GABRB1: variants seen among roughly 807,000 people sequenced by gnomAD.
GABRB1 encodes the protein gamma-aminobutyric acid type A receptor subunit beta1.
Under a neutral mutation model 51.6 loss-of-function variants are expected in GABRB1, and 17 were observed. The observed-to-expected ratio is 0.33, with a 90% CI of 0.23 to 0.49. The LOEUF is 0.49. Among genes scored for constraint, GABRB1 ranks in the 20% least tolerant of loss-of-function variants. The probability of loss-of-function intolerance (pLI) is 0.99; values close to 1 mark genes in which losing one functional copy is unlikely to be tolerated. For synonymous variants in GABRB1, 247 were observed against 218.9 expected, an observed-to-expected ratio of 1.13 and a Z score of -1.14; for missense variants, 410 against 600.6, an observed-to-expected ratio of 0.68 and a Z score of 3.32.
At chr4:47,158,302 A>G (rs1007715871) in intron 3 of GABRB1, among the ~76,000 whole-genome samples, 1 of 152,140 alleles carries the variant, frequency 6.6e-6, no homozygotes, top group Non-Finnish European at 1.5e-5. Context: ...AATTGTGTAT[A>G]TTTATTGTGT....
At chr4:47,296,479 C>T (rs1723997720) in intron 4 of GABRB1, among the ~76,000 whole-genome samples, 1 of 152,108 alleles carries the variant, frequency 6.6e-6, no homozygotes, top group African/African-American at 2.4e-5. Context: ...ATAAAACAGA[C>T]TTTAAACCAA....
At chr4:47,086,229 G>A (rs577386294) in intron 3 of GABRB1, among the ~76,000 whole-genome samples, 3 of 152,148 alleles carry the variant, frequency 2.0e-5, no homozygotes, top group African/African-American at 7.2e-5. Flanking sequence ...ACATGTTTGC[G>A]GGTTCTTCGT....
intron 1 of GABRB1, among the ~76,000 whole-genome samples, chr4:46,998,232 C>T (rs1443044243): frequency 6.6e-6 from 1 of 152,008 alleles, no homozygotes; most frequent in East Asian, 1.9e-4. Context: ...ATAAACTTTA[C>T]ACATGAAATT....
intron 4 of GABRB1, among the ~76,000 whole-genome samples, chr4:47,262,693 G>T (rs1303968231): frequency 6.6e-6 from 1 of 152,002 alleles, no homozygotes; most frequent in African/African-American, 2.4e-5. Context: ...CCCATTACTG[G>T]GTATATACCC....
Position 47,266,226 on chromosome 4 carries a change from T to C in GABRB1, c.462-53901T>C, listed in dbSNP as rs533757923. 2.6e-5 allele frequency among the ~76,000 whole-genome samples: 4 copies of C among 152,328 alleles called. No homozygotes were observed. In the South Asian group the frequency reaches 8.3e-4, roughly 32 times the overall value. Reference sequence around the variant, plus strand: ...TTCCCCAGTTTGTTTTTGTCCACTTTATCAAAGACTGGTTGGTTGTAGCTC... The same window carrying C: ...TTCCCCAGTTTGTTTTTGTCCACTTCATCAAAGACTGGTTGGTTGTAGCTC... On this transcript the variant is annotated intron_variant, in intron 4 of 8. Transcript: ENST00000295454.
At chr4:47,076,819 C>T (rs1727574012) in intron 3 of GABRB1, among the ~76,000 whole-genome samples, 1 of 152,130 alleles carries the variant, frequency 6.6e-6, no homozygotes, top group Non-Finnish European at 1.5e-5. Context: ...CTCTTGCTTC[C>T]CTTCCGAGCA....
At chr4:47,271,053 A>T (rs1722857145) in intron 4 of GABRB1, among the ~76,000 whole-genome samples, 1 of 152,222 alleles carries the variant, frequency 6.6e-6, no homozygotes, top group Non-Finnish European at 1.5e-5. Flanking sequence ...AGTTGAAAAT[A>T]TAAAATAAAG....
At chr4:47,290,002 C>T (rs1267075540) in intron 4 of GABRB1, among the ~76,000 whole-genome samples, 2 of 152,170 alleles carry the variant, frequency 1.3e-5, no homozygotes, top group Non-Finnish European at 2.9e-5. Flanking sequence ...AATGCTGACT[C>T]TTCACAATTC....
At chr4:47,133,684 A>ATTAG (rs1716518068) in intron 3 of GABRB1, among the ~76,000 whole-genome samples, 1 of 152,100 alleles carries the variant, frequency 6.6e-6, no homozygotes. Flanking sequence ...TTTCCTCATG[A>ATTAG]TTAGATTCAG....
At chr4:47,336,080 C>T (rs1163902072) in intron 5 of GABRB1, among the ~76,000 whole-genome samples, 1 of 152,082 alleles carries the variant, frequency 6.6e-6, no homozygotes, top group Non-Finnish European at 1.5e-5. Context: ...TGCCATCGAC[C>T]AAGTGGAAGA....
intron 4 of GABRB1, among the ~76,000 whole-genome samples, chr4:47,258,102 C>T (rs955937535): frequency 3.9e-5 from 6 of 152,082 alleles, no homozygotes; most frequent in Non-Finnish European, 5.9e-5. Flanking sequence ...CTGTCATGTT[C>T]ACCTCCTCTT....
intron 8 of GABRB1, among the ~76,000 whole-genome samples, chr4:47,416,206 A>C (rs74668471): frequency 6.6e-6 from 1 of 152,098 alleles, no homozygotes; most frequent in African/African-American, 2.4e-5. Flanking sequence ...CAAGAGAAAC[A>C]TAGCAGGTGA....
chr4:47,252,776 C>T (rs753619439), intron 4 of GABRB1, among the ~76,000 whole-genome samples: 7 of 152,044 alleles, frequency 4.6e-5, no homozygotes, highest in Non-Finnish European at 8.8e-5. Flanking sequence ...TCTCAGCCTC[C>T]TAAAGTGCTG....
At chr4:47,272,688 G>C (rs1401432499) in intron 4 of GABRB1, among the ~76,000 whole-genome samples, 1 of 152,076 alleles carries the variant, frequency 6.6e-6, no homozygotes, top group African/African-American at 2.4e-5. Flanking sequence ...TAATTATAAT[G>C]AAGTTTTCCT....
intron 4 of GABRB1, among the ~76,000 whole-genome samples, chr4:47,162,318 G>A (rs1334679091): frequency 2.0e-5 from 3 of 151,888 alleles, no homozygotes; most frequent in Admixed American, 6.6e-5. Flanking sequence ...ATGTGTAAAG[G>A]GATGAATTAC....
Position 47,403,471 on chromosome 4 carries a change from C to A in GABRB1, c.682+16C>A. 1 of 1,613,640 alleles carries A rather than the reference C, an allele frequency of 6.2e-7. No homozygotes were observed. Among genetic ancestry groups the A allele is most frequent in the South Asian group, 1.1e-5 (1 of 90,968 alleles). On this transcript the variant is annotated intron_variant, in intron 6 of 8. Transcript: ENST00000295454. ...TTCACAACAGGTGAGGTTGTTTCCC[C>A]CAAAATGTACTAGGGGTGCTGTGAA...
At chr4:47,284,028 G>A (rs191754746) in intron 4 of GABRB1, among the ~76,000 whole-genome samples, 1 of 151,002 alleles carries the variant, frequency 6.6e-6, no homozygotes, top group African/African-American at 2.4e-5. Flanking sequence ...AACCCGGGAG[G>A]CGGAGCTTGC....
intron 3 of GABRB1, among the ~76,000 whole-genome samples, chr4:47,154,439 C>A (rs978991865): frequency 6.6e-6 from 1 of 152,072 alleles, no homozygotes; most frequent in East Asian, 1.9e-4. Context: ...AAACCCAAAT[C>A]AAATATTTCT....
chr4:47,102,351 T>C (rs1577910068), intron 3 of GABRB1, among the ~76,000 whole-genome samples: 1 of 152,154 alleles, frequency 6.6e-6, no homozygotes, highest in Non-Finnish European at 1.5e-5. Context: ...GGCATGTATC[T>C]GAGGATCTAA....
Sources: allele counts gnomAD v4.1 joint callset (sites outside exome capture counted in the v4.1 genomes callset), GRCh38; gene constraint gnomAD v4.1.1; transcripts MANE v1.5; gene names NCBI Gene and HGNC (gene_info 2026-07-23, HGNC 2026-07-21).